EPHA6: variants seen among roughly 807,000 people sequenced by gnomAD.
The protein encoded by EPHA6 is ephrin type-A receptor 6.
Under a neutral mutation model 112.0 loss-of-function variants are expected in EPHA6, and 50 were observed. The ratio of observed to expected loss-of-function variants is 0.45; its 90% CI spans 0.36 to 0.56. EPHA6 has a LOEUF of 0.56. EPHA6 is among the 20% of genes least tolerant of loss of function. The pLI, the probability that EPHA6 is intolerant of heterozygous loss-of-function variation, is 0.00. For missense variants in EPHA6, 1,280 were observed against 1,417.4 expected (o/e 0.90, Z 1.56); for synonymous variants, 529 against 490.7 (o/e 1.08, Z -1.03).
chr3:97,515,587 A>G (rs1401015800), intron 10 of EPHA6, among the ~76,000 whole-genome samples: 1 of 152,220 alleles, frequency 6.6e-6, no homozygotes, highest in Non-Finnish European at 1.5e-5. Context: ...AATGTACCTC[A>G]AGGGAAGAAA....
chr3:97,200,554 T>C (rs2077553418), intron 3 of EPHA6, among the ~76,000 whole-genome samples: 1 of 152,158 alleles, frequency 6.6e-6, no homozygotes, highest in Non-Finnish European at 1.5e-5. Context: ...TGTACCTGTG[T>C]TCCCTCCAGC....
intron 7 of EPHA6, among the ~76,000 whole-genome samples, chr3:97,469,255 C>T (rs1425265810): frequency 6.6e-6 from 1 of 151,596 alleles, no homozygotes; most frequent in Admixed American, 6.6e-5. Context: ...GTTTTTCCAC[C>T]TCTTCCATCA....
intron 11 of EPHA6, among the ~76,000 whole-genome samples, chr3:97,581,547 A>G (rs143889700): frequency 5.3e-5 from 8 of 152,376 alleles, no homozygotes; most frequent in African/African-American, 1.9e-4. Context: ...ATAATTTTAC[A>G]CATGATAGAG....
chr3:97,457,564 A>C (rs948160012), intron 7 of EPHA6, among the ~76,000 whole-genome samples: 1 of 152,188 alleles, frequency 6.6e-6, no homozygotes, highest in Non-Finnish European at 1.5e-5. Context: ...AAAATATAAA[A>C]ACATCGTTTG....
chr3:97,722,085 C>T (rs1251123425), intron 15 of EPHA6, among the ~76,000 whole-genome samples: 1 of 152,144 alleles, frequency 6.6e-6, no homozygotes, highest in Non-Finnish European at 1.5e-5. Context: ...CTTCACTGCA[C>T]AGAAGAGTCT....
At chr3:97,281,908 C>T (rs1181636357) in intron 5 of EPHA6, among the ~76,000 whole-genome samples, 2 of 151,960 alleles carry the variant, frequency 1.3e-5, no homozygotes, top group East Asian at 1.9e-4. Flanking sequence ...ATAATTTAAA[C>T]GTTTTTACAA....
At chr3:97,067,190 T>C (rs1442884553) in intron 3 of EPHA6, among the ~76,000 whole-genome samples, 1 of 152,112 alleles carries the variant, frequency 6.6e-6, no homozygotes, top group East Asian at 1.9e-4. Flanking sequence ...CCATCTGCCT[T>C]AGGCAAAAAT....
intron 3 of EPHA6, among the ~76,000 whole-genome samples, chr3:97,089,373 A>T (rs2108224741): frequency 6.6e-6 from 1 of 152,264 alleles, no homozygotes; most frequent in Non-Finnish European, 1.5e-5. Flanking sequence ...TTTAGAAATT[A>T]AAATCATACT....
At chr3:96,900,016 T>C (rs1456749324) in intron 2 of EPHA6, among the ~76,000 whole-genome samples, 7 of 152,164 alleles carry the variant, frequency 4.6e-5, no homozygotes, top group Non-Finnish European at 1.5e-5. Context: ...ATTTATTCTG[T>C]ACTGTGAACC....
At chr3:97,135,061 A>G (rs1559749415) in intron 3 of EPHA6, among the ~76,000 whole-genome samples, 2 of 152,278 alleles carry the variant, frequency 1.3e-5, no homozygotes, top group East Asian at 3.9e-4. Context: ...CCTCAGAATA[A>G]TCAGTATACC....
chr3:97,110,519 T>C (rs1161749243), intron 3 of EPHA6, among the ~76,000 whole-genome samples: 1 of 151,974 alleles, frequency 6.6e-6, no homozygotes, highest in Non-Finnish European at 1.5e-5. Context: ...CTTCATTTTA[T>C]TATATTATTT....
chr3:97,680,591 G>A (rs2031784916), intron 14 of EPHA6, among the ~76,000 whole-genome samples: 1 of 152,168 alleles, frequency 6.6e-6, no homozygotes, highest in Non-Finnish European at 1.5e-5. Flanking sequence ...TTCAGATTTA[G>A]ACATTTGACA....
intron 16 of EPHA6, among the ~76,000 whole-genome samples, chr3:97,736,510 T>TGC (rs1474141237): frequency 1.3e-5 from 2 of 150,214 alleles, no homozygotes; most frequent in East Asian, 2.0e-4. Context: ...TGTGTGTGTG[T>TGC]GCAGCCCCTT....
intron 5 of EPHA6, 49 bp from the exon 6 acceptor site, chr3:97,405,101 G>A: frequency 6.5e-7 from 1 of 1,542,404 alleles, no homozygotes; most frequent in South Asian, 1.2e-5. Context: ...AAAGGATAAT[G>A]GAAAATGATT....
chr3:97,736,405 A>G (rs976222263), intron 16 of EPHA6, among the ~76,000 whole-genome samples: 1 of 151,604 alleles, frequency 6.6e-6, no homozygotes, highest in Non-Finnish European at 1.5e-5. Flanking sequence ...TGATATTTAC[A>G]TAGCCTTTTA....
chr3:96,998,615 C>T (rs1021707859), intron 3 of EPHA6, among the ~76,000 whole-genome samples: 7 of 151,822 alleles, frequency 4.6e-5, no homozygotes, highest in South Asian at 2.1e-4. Flanking sequence ...AATGATCTGC[C>T]GACAATTTAA....
intron 11 of EPHA6, among the ~76,000 whole-genome samples, chr3:97,541,482 A>G (rs2092849798): frequency 6.6e-6 from 1 of 152,170 alleles, no homozygotes; most frequent in African/African-American, 2.4e-5. Flanking sequence ...GCATCAACCT[A>G]ATACTAAACT....
intron 2 of EPHA6, among the ~76,000 whole-genome samples, chr3:96,926,932 G>A (rs1316457229): frequency 6.6e-6 from 1 of 152,210 alleles, no homozygotes; most frequent in Admixed American, 6.5e-5. Flanking sequence ...TGCCCCAGTA[G>A]GGACTCTGTG....
At chr3:96,952,437 G>C (rs2107724496) in intron 2 of EPHA6, among the ~76,000 whole-genome samples, 1 of 152,252 alleles carries the variant, frequency 6.6e-6, no homozygotes, top group Middle Eastern at 3.4e-3. Context: ...TTGTGGTGCT[G>C]AGTTAGTTCT....
Sources: gnomAD v4.1 joint callset for allele counts (sites outside exome capture counted in the v4.1 genomes callset) on GRCh38, gnomAD v4.1.1 for gene constraint, MANE v1.5 for transcripts, NCBI Gene and HGNC (gene_info 2026-07-23, HGNC 2026-07-21) for gene names.